Variants in SLC38A9 observed in about 807,000 individuals in gnomAD.
SLC38A9 encodes the protein neutral amino acid transporter 9.
In SLC38A9, 48 loss-of-function variants were observed where a neutral mutation model predicts 62.3. The ratio of observed to expected loss-of-function variants is 0.77; its 90% confidence interval spans 0.61 to 0.98. The LOEUF (loss-of-function observed/expected upper bound fraction) is 0.98. Among genes scored for constraint, SLC38A9 ranks in the 50% least tolerant of loss-of-function variants. The probability of loss-of-function intolerance (pLI) is 0.00; values close to 1 mark genes in which losing one functional copy is unlikely to be tolerated. For missense variants in SLC38A9, 541 were observed against 679.8 expected (o/e 0.80, Z 2.27); for synonymous variants, 204 against 227.7 (o/e 0.90, Z 0.94).
At chr5:55,630,335 T>TG (rs1474864948) in intron 14 of SLC38A9, among the ~76,000 whole-genome samples, 1 of 152,142 alleles carries the variant, frequency 6.6e-6, no homozygotes, top group African/African-American at 2.4e-5. Context: ...TGTTTTTTTT[T>TG]GAGATGGAGT....
intron 12 of SLC38A9, among the ~76,000 whole-genome samples, chr5:55,639,796 T>C (rs1294839143): frequency 6.6e-6 from 1 of 152,140 alleles, no homozygotes; most frequent in Non-Finnish European, 1.5e-5. Context: ...TATATTTACA[T>C]ATAGTCAAAG....
Position 55,626,548 on chromosome 5 carries a change from G to T in SLC38A9, c.1632C>A (p.His544Gln). 6.2e-7 allele frequency: 1 copy of T among 1,613,454 alleles called. No individual in the cohort carries two copies. Among genetic ancestry groups the T allele is most frequent in the Non-Finnish European group, 8.5e-7 (1 of 1,179,678 alleles). The stretch of plus-strand genomic sequence containing the variant: ...CCACGCCCAAAATGATGATGAAAAC[G>T]TGGAAGATTAATTTAGGCCATGTCA... ...ERLTWPKLIF[H>Q]VFIIILGVAN... Residue 544 changes from histidine to glutamine, a missense_variant, in exon 16 of 16, where the codon CAC becomes CAA. By Grantham distance (24) the His-to-Gln change is conservative. Transcript: ENST00000396865.
chr5:55,637,847 C>T (rs1198698425), intron 12 of SLC38A9, among the ~76,000 whole-genome samples: 1 of 152,136 alleles, frequency 6.6e-6, no homozygotes, highest in Non-Finnish European at 1.5e-5. Context: ...TCGTTTGTGG[C>T]TGCAAAGTGA....
chr5:55,628,937 G>T (rs1742946093), intron 14 of SLC38A9, among the ~76,000 whole-genome samples: 1 of 152,128 alleles, frequency 6.6e-6, no homozygotes, highest in Non-Finnish European at 1.5e-5. Context: ...AGTCATCAGA[G>T]GTTAATTAAT....
intron 3 of SLC38A9, among the ~76,000 whole-genome samples, chr5:55,680,092 T>C (rs1371931985): frequency 6.6e-6 from 1 of 152,118 alleles, no homozygotes; most frequent in Non-Finnish European, 1.5e-5. Flanking sequence ...CATAACCCAA[T>C]TCCCCATGGG....
intron 8 of SLC38A9, among the ~76,000 whole-genome samples, chr5:55,659,576 C>T (rs755427056): frequency 6.6e-6 from 1 of 151,492 alleles, no homozygotes; most frequent in Non-Finnish European, 1.5e-5. Flanking sequence ...TTAGTAGAGA[C>T]GGGGTTTCAC....
chr5:55,706,266 A>G (rs796623570), intron 2 of SLC38A9, among the ~76,000 whole-genome samples: 1 of 152,270 alleles, frequency 6.6e-6, no homozygotes, highest in South Asian at 2.1e-4. Context: ...AAACAATGGC[A>G]GAAATATATG....
At chr5:55,638,629 G>A (rs184830492) in intron 12 of SLC38A9, among the ~76,000 whole-genome samples, 13 of 152,168 alleles carry the variant, frequency 8.5e-5, no homozygotes, top group African/African-American at 2.6e-4. Context: ...TCCACGTACC[G>A]TTCATAGTGA....
intron 8 of SLC38A9, among the ~76,000 whole-genome samples, chr5:55,657,711 C>A (rs1196391360): frequency 6.6e-6 from 1 of 152,096 alleles, no homozygotes; most frequent in African/African-American, 2.4e-5. Context: ...TTGATATTAA[C>A]CTTCTATAAC....
At chr5:55,700,781 G>A (rs1756538523) in intron 2 of SLC38A9, among the ~76,000 whole-genome samples, 1 of 152,078 alleles carries the variant, frequency 6.6e-6, no homozygotes, top group Non-Finnish European at 1.5e-5. Flanking sequence ...TTGACCTATT[G>A]GAAATATTTG....
Position 55,635,527 on chromosome 5 carries a change from G to A in SLC38A9, c.1281+17C>T, listed in dbSNP as rs1366940973. The A allele has an allele frequency of 6.6e-7, 1 of 1,520,114 alleles. No homozygotes were observed. Among genetic ancestry groups the A allele is most frequent in the East Asian group, 2.3e-5 (1 of 44,404 alleles). The allele number at this position is 1,520,114 out of a possible 1,614,324, so 94.2% of individuals were successfully genotyped here. ...AAAGTGTACACAATCACACAGAGAG[G>A]GTACACGGTGCCTTACCTGCTCAAT... On this transcript the variant is annotated intron_variant, in intron 13 of 15. Coordinates refer to ENST00000396865, the MANE Select transcript of SLC38A9 (RefSeq NM_173514.4).
At chr5:55,678,022 G>A (rs1384305858) in intron 3 of SLC38A9, among the ~76,000 whole-genome samples, 4 of 150,284 alleles carry the variant, frequency 2.7e-5, no homozygotes, top group Non-Finnish European at 4.4e-5. Flanking sequence ...AGAGCTAGGA[G>A]GGTGTCAGAA....
chr5:55,695,816 G>A lies in SLC38A9; in HGVS notation c.113+2030C>T, dbSNP rs1223974652. Among the ~76,000 whole-genome samples, 2 of 79,240 alleles carry A rather than the reference G, an allele frequency of 2.5e-5. 1 individual carries two copies. The highest frequency in any genetic ancestry group is 6.3e-5 in the Non-Finnish European group (2 of 31,910). 52.0% of individuals were successfully genotyped at this position (79,240 alleles called of 152,430 possible). ...CCAGACGGGGTGGTGGCCGGGCAGA[G>A]GGGCTCCTCACTTCCCAGTAGGGGC... On this transcript the variant is annotated intron_variant, in intron 3 of 15. Transcript: ENST00000396865.
At chr5:55,687,643 G>A (rs1580357243) in intron 3 of SLC38A9, among the ~76,000 whole-genome samples, 1 of 151,906 alleles carries the variant, frequency 6.6e-6, no homozygotes, top group African/African-American at 2.4e-5. Context: ...TCCTTGTAGA[G>A]ATCTTTCACT....
intron 13 of SLC38A9, 159 bp from the exon 14 acceptor site, chr5:55,634,061 T>A (rs1285230594): frequency 1.9e-6 from 1 of 516,692 alleles, no homozygotes. Context: ...ATTTTTTCAA[T>A]GAGGTAAGTA....
intron 2 of SLC38A9, among the ~76,000 whole-genome samples, chr5:55,708,984 T>G (rs1409261868): frequency 2.6e-5 from 4 of 152,218 alleles, no homozygotes; most frequent in Non-Finnish European, 4.4e-5. Context: ...TGGAAGCAGT[T>G]ATGCTATGTA....
rs535874019 is a variant in SLC38A9, at chr5:55,664,587, CTTATT to C, written c.697+101_697+105del. On this transcript the variant is annotated intron_variant, in intron 8 of 15. Coordinates refer to ENST00000396865, the MANE Select transcript of SLC38A9 (RefSeq NM_173514.4). ...TTTTCCAAAATTATATATGTTACTT[CTTATT>C]TTATTTATCCCAAGTCCTAGAATTT... 1.4e-3 allele frequency: 857 copies of C among 603,560 alleles called. 4 individuals carry two copies. Among genetic ancestry groups the C allele is most frequent in the Non-Finnish European group, 2.0e-3 (785 of 393,912 alleles). 37.4% of individuals were successfully genotyped at this position (603,560 alleles called of 1,614,324 possible).
intron 12 of SLC38A9, among the ~76,000 whole-genome samples, chr5:55,644,719 G>A (rs534113108): frequency 7.4e-4 from 112 of 151,902 alleles, no homozygotes; most frequent in Non-Finnish European, 1.2e-3. Context: ...ATGCCCAGCC[G>A]CATTATTATT....
chr5:55,651,667 A>C (rs1346125170), intron 10 of SLC38A9, among the ~76,000 whole-genome samples: 1 of 152,200 alleles, frequency 6.6e-6, no homozygotes, highest in African/African-American at 2.4e-5. Flanking sequence ...AAAAGCACTG[A>C]GGAAGAGAGC....
Sources: allele counts gnomAD v4.1 joint callset (sites outside exome capture counted in the v4.1 genomes callset), GRCh38; gene constraint gnomAD v4.1.1; transcripts MANE v1.5; gene names NCBI Gene and HGNC (gene_info 2026-07-23, HGNC 2026-07-21).